Variants in VRK2 observed in about 807,000 individuals in gnomAD.
The protein encoded by VRK2 is serine/threonine-protein kinase VRK2.
Under a neutral mutation model 57.6 loss-of-function variants are expected in VRK2, and 60 were observed. The ratio of observed to expected loss-of-function variants is 1.04; its 90% CI spans 0.85 to 1.29. The LOEUF (loss-of-function observed/expected upper bound fraction) is 1.29. VRK2 is among the 50% of genes most tolerant of loss of function. The probability of loss-of-function intolerance (pLI) is 0.00; values close to 1 mark genes in which losing one functional copy is unlikely to be tolerated. For missense variants in VRK2, 705 were observed against 588.1 expected (o/e 1.20, Z -2.06); for synonymous variants, 231 against 199.2 (o/e 1.16, Z -1.35).
At chr2:57,960,990 G>A (rs567385027) in intron 1 of VRK2, among the ~76,000 whole-genome samples, 20 of 152,304 alleles carry the variant, frequency 1.3e-4, no homozygotes, top group South Asian at 4.1e-4. Flanking sequence ...AACAGTTACT[G>A]TGTGCCAGGC....
At chr2:57,994,848 T>C (rs1049019407) in intron 1 of VRK2, among the ~76,000 whole-genome samples, 2 of 152,134 alleles carry the variant, frequency 1.3e-5, no homozygotes, top group African/African-American at 4.8e-5. Context: ...TCCTATATTT[T>C]CCCAAACAAA....
Position 58,048,851 on chromosome 2 carries a change from A to T in VRK2, c.20A>T (p.Glu7Val). MPPKRN[E>V]KYKLPIPFPE... ...GAAGTGATGCCACCAAAAAGAAATGAAAAATACAAACTTCCTATTCCATTT... is the reference window on the plus strand; with the variant it reads ...GAAGTGATGCCACCAAAAAGAAATGTAAAATACAAACTTCCTATTCCATTT... The change falls in exon 2 of 13, where the codon GAA (glutamate) becomes GTA (valine). Residue 7 changes from glutamate to valine, a missense_variant. By Grantham distance (121) the Glu-to-Val change is moderately radical. Coordinates refer to ENST00000340157, the MANE Select transcript of VRK2 (RefSeq NM_006296.7). 6.2e-7 allele frequency: 1 copy of T among 1,613,834 alleles called. No homozygotes were observed. The highest frequency in any genetic ancestry group is 1.1e-5 in the South Asian group (1 of 91,052).
At chr2:58,107,095 T>TG (rs149002509) in intron 7 of VRK2, among the ~76,000 whole-genome samples, 5,622 of 152,190 alleles carry the variant, frequency 0.037, 358 homozygotes, top group African/African-American at 0.13. Flanking sequence ...CTGCTTCATT[T>TG]GTCATATAGT....
chr2:58,012,243 G>A (rs997640576), intron 1 of VRK2, among the ~76,000 whole-genome samples: 14 of 152,152 alleles, frequency 9.2e-5, no homozygotes, highest in African/African-American at 2.7e-4. Flanking sequence ...GCAGCCCTCA[G>A]GGCTGCTATG....
intron 12 of VRK2, among the ~76,000 whole-genome samples, chr2:58,152,820 C>T (rs986142485): frequency 1.3e-5 from 2 of 151,916 alleles, no homozygotes; most frequent in African/African-American, 4.8e-5. Context: ...CCTACCCTTT[C>T]ACCCAACTCC....
intron 11 of VRK2, among the ~76,000 whole-genome samples, chr2:58,140,828 T>C (rs998135307): frequency 6.6e-6 from 1 of 152,018 alleles, no homozygotes; most frequent in African/African-American, 2.4e-5. Flanking sequence ...AAAAGAAGTA[T>C]TTGAATGACT....
chr2:57,967,313 T>G (rs1342573814), intron 1 of VRK2, among the ~76,000 whole-genome samples: 6 of 152,032 alleles, frequency 3.9e-5, no homozygotes, highest in Non-Finnish European at 8.8e-5. Flanking sequence ...CCATGGTACA[T>G]GTATACCTAT....
intron 1 of VRK2, among the ~76,000 whole-genome samples, chr2:57,994,397 G>A (rs1336840014): frequency 6.6e-6 from 1 of 152,080 alleles, no homozygotes; most frequent in Non-Finnish European, 1.5e-5. Flanking sequence ...AAGTAAACTA[G>A]GTAATTATTT....
At chr2:58,126,138 C>T (rs1289637773) in intron 8 of VRK2, among the ~76,000 whole-genome samples, 1 of 147,714 alleles carries the variant, frequency 6.8e-6, no homozygotes, top group Admixed American at 6.7e-5. Flanking sequence ...AAATAAAGTA[C>T]AAAAAGCAAA....
chr2:58,142,315 A>G (rs796901079), intron 11 of VRK2, among the ~76,000 whole-genome samples: 3 of 150,522 alleles, frequency 2.0e-5, no homozygotes, highest in East Asian at 1.9e-4. Flanking sequence ...CCTTTTTGCA[A>G]AAGAAAAAGT....
intron 1 of VRK2, among the ~76,000 whole-genome samples, chr2:57,960,006 GGTGT>G (rs764928026): frequency 1.4e-5 from 2 of 146,896 alleles, no homozygotes; most frequent in Non-Finnish European, 3.0e-5. Context: ...TGTGTGCATG[GGTGT>G]GTGTGTGTGT....
chr2:58,138,774 A>G (rs919437132), intron 10 of VRK2, among the ~76,000 whole-genome samples: 2 of 152,310 alleles, frequency 1.3e-5, no homozygotes, highest in African/African-American at 4.8e-5. Context: ...TTTGAAAGGG[A>G]AAGGCATATC....
intron 2 of VRK2, among the ~76,000 whole-genome samples, chr2:58,050,666 T>G (rs1675573708): frequency 6.6e-6 from 1 of 152,168 alleles, no homozygotes; most frequent in Admixed American, 6.5e-5. Flanking sequence ...TAAATTCAAG[T>G]GAATGTTTAA....
Position 58,135,441 on chromosome 2 carries a change from CT to C in VRK2, c.856+258del, listed in dbSNP as rs201516911. On this transcript the variant is annotated intron_variant, in intron 10 of 12. Transcript: ENST00000340157. ...GGAAAATTCTAGGTTCTGCTTAGTG[CT>C]TTTTTTTTTTTTTTTAAGATCTCTA... 6.3e-3 allele frequency among the ~76,000 whole-genome samples: 824 copies of C among 130,326 alleles called. 1 individual carries two copies. The highest frequency in any genetic ancestry group is 7.1e-3 in the African/African-American group (262 of 36,904). 85.5% of individuals were successfully genotyped at this position (130,326 alleles called of 152,430 possible).
chr2:57,956,675 A>C (rs1671596654), intron 1 of VRK2, among the ~76,000 whole-genome samples: 1 of 152,176 alleles, frequency 6.6e-6, no homozygotes, highest in African/African-American at 2.4e-5. Context: ...CATGTCTCAG[A>C]GGGCAAAAGC....
At chr2:58,054,627 A>G (rs1223392911) in intron 2 of VRK2, among the ~76,000 whole-genome samples, 3 of 152,196 alleles carry the variant, frequency 2.0e-5, no homozygotes, top group African/African-American at 4.8e-5. Context: ...GAATATCTAT[A>G]TCAGATAAAT....
intron 1 of VRK2, among the ~76,000 whole-genome samples, chr2:57,993,579 C>T (rs1447948904): frequency 2.0e-5 from 3 of 151,994 alleles, no homozygotes; most frequent in South Asian, 2.1e-4. Context: ...TTGCCTTGAA[C>T]TAGATTCATT....
chr2:58,159,487 A>G lies in VRK2; in HGVS notation c.1321A>G (p.Ile441Val). The G allele has an allele frequency of 6.2e-7, 1 of 1,613,736 alleles. No individual in the cohort carries two copies. Residue 441 changes from isoleucine (I) to valine (V), a missense_variant, in exon 13 of 13, where the codon ATA (isoleucine) becomes GTA (valine). Ile to Val is a conservative substitution (Grantham distance 29). Transcript: ENST00000340157. Reference protein sequence around the residue: ...EPHQDFTSPDIFKKSRSPSWY... With the variant: ...EPHQDFTSPDVFKKSRSPSWY... ...TCATCAAGATTTTACCAGTCCAGAT[A>G]TATTCAAGAAGTCAAGATCTCCATC...
At chr2:58,036,780 C>T (rs1183934520) in intron 3 of VRK2, among the ~76,000 whole-genome samples, 1 of 151,888 alleles carries the variant, frequency 6.6e-6, no homozygotes, top group Non-Finnish European at 1.5e-5. Context: ...TTTCTATTGT[C>T]TATAGTAGTG....
Sources: gnomAD v4.1 joint callset for allele counts (sites outside exome capture counted in the v4.1 genomes callset) on GRCh38, gnomAD v4.1.1 for gene constraint, MANE v1.5 for transcripts, NCBI Gene and HGNC (gene_info 2026-07-23, HGNC 2026-07-21) for gene names.